Variants in DGKG observed in about 807,000 individuals in gnomAD.
DGKG encodes DAG kinase gamma.
A neutral mutation model predicts 105.3 loss-of-function variants in DGKG; 78 were observed. That is an observed-to-expected ratio of 0.74 (90% CI 0.62 to 0.89). The LOEUF (loss-of-function observed/expected upper bound fraction) is 0.89, where lower values mean the gene tolerates loss of function less well. Among genes scored for constraint, DGKG ranks in the 40% least tolerant of loss-of-function variants. The pLI is 0.00. For synonymous variants in DGKG, 346 were observed against 367.1 expected, an observed-to-expected ratio of 0.94 and a Z score of 0.66; for missense variants, 958 against 1,020.1, an observed-to-expected ratio of 0.94 and a Z score of 0.83.
intron 20 of DGKG, among the ~76,000 whole-genome samples, chr3:186,212,189 C>T (rs1253588828): frequency 2.0e-5 from 3 of 152,220 alleles, no homozygotes; most frequent in African/African-American, 7.2e-5. Flanking sequence ...GGAAAGAGCT[C>T]TACGAGAAGT....
intron 3 of DGKG, among the ~76,000 whole-genome samples, chr3:186,304,470 C>T (rs1453659104): frequency 2.0e-5 from 3 of 152,166 alleles, no homozygotes; most frequent in Non-Finnish European, 4.4e-5. Flanking sequence ...CAGTGTCCAA[C>T]GGAGAAGGTG....
At chr3:186,168,353 A>G (rs939538868) in intron 22 of DGKG, among the ~76,000 whole-genome samples, 1 of 152,216 alleles carries the variant, frequency 6.6e-6, no homozygotes, top group African/African-American at 2.4e-5. Flanking sequence ...TTTTGTGTGT[A>G]GTGAACATAT....
intron 1 of DGKG, among the ~76,000 whole-genome samples, chr3:186,328,908 A>T (rs946376449): frequency 3.9e-5 from 6 of 152,040 alleles, no homozygotes; most frequent in Non-Finnish European, 7.4e-5. Context: ...CTTCAAGAAA[A>T]GTTAGGGGCC....
chr3:186,302,621 C>CCTATATCTATATCTATAT (rs58362317), intron 3 of DGKG, among the ~76,000 whole-genome samples: 11 of 139,538 alleles, frequency 7.9e-5, no homozygotes, highest in Admixed American at 6.6e-4. Flanking sequence ...TGTGTATATA[C>CCTATATCTATATCTATAT]CTATATCTAT....
intron 1 of DGKG, among the ~76,000 whole-genome samples, chr3:186,346,684 A>T (rs2108666152): frequency 7.7e-6 from 1 of 129,368 alleles, no homozygotes; most frequent in Admixed American, 7.1e-5. Context: ...TACTATACTC[A>T]GTTTTATTTG....
intron 21 of DGKG, among the ~76,000 whole-genome samples, chr3:186,191,360 C>A (rs148965285): frequency 6.6e-6 from 1 of 152,026 alleles, no homozygotes; most frequent in African/African-American, 2.4e-5. Context: ...CAAAATGTAC[C>A]CTATTCTTAT....
intron 2 of DGKG, among the ~76,000 whole-genome samples, chr3:186,315,742 G>A (rs753854404): frequency 1.3e-4 from 20 of 152,064 alleles, no homozygotes; most frequent in Non-Finnish European, 2.9e-4. Context: ...ACTCATGATC[G>A]ATATTGTGTG....
intron 3 of DGKG, among the ~76,000 whole-genome samples, chr3:186,298,688 TG>T (rs1481536088): frequency 6.6e-6 from 1 of 152,156 alleles, no homozygotes; most frequent in Non-Finnish European, 1.5e-5. Context: ...GTTGAAAATA[TG>T]ATGCAAAGAA....
intron 24 of DGKG, among the ~76,000 whole-genome samples, chr3:186,151,708 G>A (rs547402546): frequency 4.6e-5 from 7 of 152,282 alleles, no homozygotes; most frequent in African/African-American, 1.7e-4. Context: ...CAAAAGAAAA[G>A]AGTTTGAGGG....
At chr3:186,278,897 A>T (rs1722706940) in intron 9 of DGKG, among the ~76,000 whole-genome samples, 1 of 152,162 alleles carries the variant, frequency 6.6e-6, no homozygotes, top group African/African-American at 2.4e-5. Flanking sequence ...TAAACGCTTA[A>T]TGTCACCATT....
intron 1 of DGKG, among the ~76,000 whole-genome samples, chr3:186,333,937 C>T (rs891873686): frequency 6.6e-6 from 1 of 152,114 alleles, no homozygotes; most frequent in Admixed American, 6.5e-5. Context: ...TGTAAAACCA[C>T]GCTCAGCTTG....
chr3:186,307,881 C>T (rs200043990), intron 2 of DGKG, among the ~76,000 whole-genome samples: 5 of 144,570 alleles, frequency 3.5e-5, no homozygotes, highest in African/African-American at 5.1e-5. Flanking sequence ...AACTCTGTCC[C>T]TTTTTTTTTT....
chr3:186,293,980 A>G (rs191706550), intron 5 of DGKG, among the ~76,000 whole-genome samples: 7 of 152,320 alleles, frequency 4.6e-5, no homozygotes, highest in Admixed American at 6.5e-5. Flanking sequence ...AAAATGCTGT[A>G]TACCTCCTTG....
chr3:186,234,752 T>A (rs955009651), intron 20 of DGKG, among the ~76,000 whole-genome samples: 8 of 152,160 alleles, frequency 5.3e-5, no homozygotes, highest in Non-Finnish European at 8.8e-5. Context: ...TGAGAGGTTG[T>A]GCTGTCTGTT....
chr3:186,335,328 G>A (rs1251508409), intron 1 of DGKG, among the ~76,000 whole-genome samples: 1 of 152,130 alleles, frequency 6.6e-6, no homozygotes, highest in Non-Finnish European at 1.5e-5. Context: ...GCCTGCCTTG[G>A]CCTAAGCAGT....
At chr3:186,197,115 G>C (rs1360670622) in intron 21 of DGKG, among the ~76,000 whole-genome samples, 1 of 152,100 alleles carries the variant, frequency 6.6e-6, no homozygotes, top group Non-Finnish European at 1.5e-5. Context: ...ACGATACCAG[G>C]GTCCTTCCTT....
At chr3:186,234,082 C>T (rs1720295078) in intron 20 of DGKG, among the ~76,000 whole-genome samples, 1 of 152,176 alleles carries the variant, frequency 6.6e-6, no homozygotes, top group Admixed American at 6.5e-5. Flanking sequence ...ATGGCTCTGA[C>T]CAGTAGAATT....
intron 1 of DGKG, among the ~76,000 whole-genome samples, chr3:186,342,912 T>C (rs1459603213): frequency 6.6e-6 from 1 of 151,902 alleles, no homozygotes; most frequent in Admixed American, 6.6e-5. Context: ...CACCCACAGA[T>C]TCCCATCTGA....
Position 186,257,105 on chromosome 3 carries a change from G to T in DGKG, c.1510+749C>A, listed in dbSNP as rs374644200. On this transcript the variant is annotated intron_variant, in intron 17 of 24. Coordinates refer to ENST00000265022, the MANE Select transcript of DGKG (RefSeq NM_001346.3). ...TGGGATGAAGAATGGAAAGCCCAGG[G>T]CTCATCGCTCAGGGCCCAGTCTCTG... 2.0e-5 allele frequency among the ~76,000 whole-genome samples: 3 copies of T among 152,172 alleles called. No individual in the cohort carries two copies. In the East Asian group the frequency reaches 5.8e-4, roughly 29 times the overall value.
Sources: allele counts gnomAD v4.1 joint callset (sites outside exome capture counted in the v4.1 genomes callset), GRCh38; gene constraint gnomAD v4.1.1; transcripts MANE v1.5; gene names NCBI Gene and HGNC (gene_info 2026-07-23, HGNC 2026-07-21).